The following MXRA7 variants were observed in gnomAD, a reference collection of about 807,000 sequenced individuals.
MXRA7 encodes matrix-remodeling-associated protein 7.
A neutral mutation model predicts 17.4 loss-of-function variants in MXRA7; 18 were observed. The observed-to-expected ratio is 1.03, with a 90% CI of 0.71 to 1.53. MXRA7 has a LOEUF of 1.53. Among genes scored for constraint, MXRA7 ranks in the 40% most tolerant of loss-of-function variants. The pLI is 0.00. For synonymous variants in MXRA7, 70 were observed against 101.7 expected, an observed-to-expected ratio of 0.69 and a Z score of 1.87; for missense variants, 141 against 209.3, an observed-to-expected ratio of 0.67 and a Z score of 2.01.
At chr17:76,685,007 G>T in intron 3 of MXRA7, 65 bp downstream of exon 3, 1 of 1,343,138 alleles carries the variant, frequency 7.4e-7, no homozygotes, top group Non-Finnish European at 1.1e-6. Flanking sequence ...GAACATGAAG[G>T]GCTCAGAGGG....
chr17:76,685,538 C>T (rs901216150), intron 2 of MXRA7, among the ~76,000 whole-genome samples: 1 of 152,212 alleles, frequency 6.6e-6, no homozygotes, highest in Non-Finnish European at 1.5e-5. Flanking sequence ...ACCACGCCTG[C>T]CTGGGCTTGG....
At position 76,683,793 on chromosome 17, in the gene MXRA7, G is replaced by A. The variant is rs896464929; in HGVS notation, c.500+1279C>T. On this transcript the variant is annotated intron_variant, in intron 3 of 3. Coordinates refer to ENST00000449428, the MANE Select transcript of MXRA7 (RefSeq NM_198530.4). ...GGCCGCGTCAGTTGTTTGGGGGCAC[G>A]TTAGCACGCAGTAGAAGGGGAGCAC... 5.7e-5 allele frequency: 80 copies of A among 1,397,982 alleles called. No individual in the cohort carries two copies. In the African/African-American group the frequency reaches 7.2e-4, roughly 13 times the overall value. 86.6% of individuals were successfully genotyped at this position (1,397,982 alleles called of 1,614,324 possible). A position where few individuals can be genotyped will look rare whatever the true frequency, so the allele number is the denominator to read the frequency against.
chr17:76,710,420 G>A (rs951153855), intron 1 of MXRA7, among the ~76,000 whole-genome samples, 185 bp downstream of exon 1: 1 of 152,176 alleles, frequency 6.6e-6, no homozygotes, highest in African/African-American at 2.4e-5. Context: ...GGGGGAGGGC[G>A]GCGAGTTTGC....
At chr17:76,686,928 C>T (rs2143611118) in intron 2 of MXRA7, among the ~76,000 whole-genome samples, 1 of 150,362 alleles carries the variant, frequency 6.7e-6, no homozygotes. Flanking sequence ...AGCAGCGGTG[C>T]AGATAAGGGG....
intron 1 of MXRA7, chr17:76,709,628 T>C (rs9789053): frequency 0.99 from 152,068 of 153,326 alleles, 75,419 homozygotes; most frequent in Middle Eastern, 1. Flanking sequence ...ACGCTGACAA[T>C]GCGCATCCCG....
intron 1 of MXRA7, among the ~76,000 whole-genome samples, chr17:76,708,331 C>G (rs897689927): frequency 2.0e-5 from 3 of 152,212 alleles, no homozygotes; most frequent in African/African-American, 7.2e-5. Flanking sequence ...GTGAGTTACA[C>G]GCTGCTCCCC....
intron 2 of MXRA7, among the ~76,000 whole-genome samples, chr17:76,686,380 T>C (rs913334702): frequency 6.6e-6 from 1 of 152,138 alleles, no homozygotes; most frequent in African/African-American, 2.4e-5. Context: ...CTCAGGAGGC[T>C]GAGGCAGGAG....
chr17:76,695,771 T>C (rs2076527746), intron 1 of MXRA7, among the ~76,000 whole-genome samples: 1 of 152,012 alleles, frequency 6.6e-6, no homozygotes, highest in Admixed American at 6.6e-5. Context: ...TTGGGTATGA[T>C]TGCAGGGTGG....
In MXRA7 at chr17:76,680,923, T is replaced by C. The variant is rs976352978; in HGVS notation, c.501-44A>G. The C allele has an allele frequency of 3.3e-6, 5 of 1,495,508 alleles. No homozygotes were observed. In the African/African-American group the frequency reaches 5.5e-5, roughly 17 times the overall value. The allele number at this position is 1,495,508 out of a possible 1,614,324, so 92.6% of individuals were successfully genotyped here. A position where few individuals can be genotyped will look rare whatever the true frequency, so the allele number is the denominator to read the frequency against. On this transcript the variant is annotated intron_variant, in intron 3 of 3. Coordinates refer to ENST00000449428, the MANE Select transcript of MXRA7 (RefSeq NM_198530.4). The stretch of plus-strand genomic sequence containing the variant: ...AGAAAAAGATAATTTATTTTACTCA[T>C]TCCATCCTGCACCATGGGCAAGGAA...
At chr17:76,683,848 A>G (rs1341537462) in intron 3 of MXRA7, 2 of 1,612,848 alleles carry the variant, frequency 1.2e-6, no homozygotes, top group Non-Finnish European at 8.5e-7. Flanking sequence ...TGTCCTTACC[A>G]AAAGGATTTG....
chr17:76,677,615 C>A, downstream of MXRA7: 1 of 1,612,712 alleles, frequency 6.2e-7, no homozygotes, highest in South Asian at 1.1e-5. Flanking sequence ...GGAGCTGCTC[C>A]TGCACGTCGC....
intron 1 of MXRA7, among the ~76,000 whole-genome samples, chr17:76,693,034 G>C (rs568578818): frequency 5.3e-5 from 8 of 152,242 alleles, no homozygotes; most frequent in African/African-American, 1.7e-4. Flanking sequence ...TCTAGCACTT[G>C]ACTGTCAGGA....
At chr17:76,707,453 G>A (rs751154738) in intron 1 of MXRA7, among the ~76,000 whole-genome samples, 3 of 151,922 alleles carry the variant, frequency 2.0e-5, no homozygotes, top group South Asian at 2.1e-4. Flanking sequence ...TGACGTGCAC[G>A]CCACCATGCC....
At chr17:76,704,478 T>A (rs1291554135) in intron 1 of MXRA7, among the ~76,000 whole-genome samples, 7 of 149,680 alleles carry the variant, frequency 4.7e-5, no homozygotes, top group Non-Finnish European at 3.0e-5. Flanking sequence ...GTGCTAGGTT[T>A]ACAGTCGTGA....
intron 1 of MXRA7, among the ~76,000 whole-genome samples, chr17:76,707,599 C>T (rs7221707): frequency 0.1 from 15,739 of 152,072 alleles, 1,150 homozygotes; most frequent in East Asian, 0.32. Context: ...CCATCGCGCC[C>T]GGGCTCTAGT....
intron 1 of MXRA7, among the ~76,000 whole-genome samples, chr17:76,705,588 T>C (rs1172845333): frequency 1.3e-5 from 2 of 151,946 alleles, no homozygotes; most frequent in African/African-American, 2.4e-5. Context: ...TATCTGGAGG[T>C]GGGGGTCTTT....
At position 76,695,353 on chromosome 17, in the gene MXRA7, G is replaced by GGTGTGTGTGTGT. The variant is rs71158054; in HGVS notation, c.343-7189_343-7178dup. On this transcript the variant is annotated intron_variant, in intron 1 of 3. Coordinates refer to ENST00000449428, the MANE Select transcript of MXRA7 (RefSeq NM_198530.4). ...TGCAAGGGGTGGCTCTTTAGCTTCAGGTGTGTGTGTGTGTGTGTGTGTGTG... is the reference window on the plus strand; with the variant it reads ...TGCAAGGGGTGGCTCTTTAGCTTCAGGTGTGTGTGTGTGTGTGTGTGTGTGTGTGTGTGTGTG... Among the ~76,000 whole-genome samples the GGTGTGTGTGTGT allele has an allele frequency of 2.8e-3, 410 of 148,094 alleles. 4 individuals carry two copies. Among genetic ancestry groups the GGTGTGTGTGTGT allele is most frequent in the African/African-American group, 8.6e-3 (345 of 40,018 alleles).
intron 3 of MXRA7, among the ~76,000 whole-genome samples, chr17:76,684,396 A>G (rs2076357590): frequency 2.6e-5 from 4 of 152,146 alleles, no homozygotes; most frequent in African/African-American, 9.7e-5. Context: ...GGTGAGCACC[A>G]GGAGCCTGCT....
chr17:76,698,479 G>A (rs2076558171), intron 1 of MXRA7, among the ~76,000 whole-genome samples: 1 of 152,084 alleles, frequency 6.6e-6, no homozygotes, highest in Non-Finnish European at 1.5e-5. Flanking sequence ...AAACAACTCA[G>A]CCATCTCCCC....
Sources: allele counts gnomAD v4.1 joint callset (sites outside exome capture counted in the v4.1 genomes callset), GRCh38; gene constraint gnomAD v4.1.1; transcripts MANE v1.5; gene names NCBI Gene and HGNC (gene_info 2026-07-23, HGNC 2026-07-21).